ELMO1: variants seen among roughly 807,000 people sequenced by gnomAD.
ELMO1 encodes the protein engulfment and cell motility 1.
Under a neutral mutation model 98.9 loss-of-function variants are expected in ELMO1, and 26 were observed. The observed-to-expected ratio is 0.26, with a 90% CI of 0.19 to 0.36. The LOEUF (loss-of-function observed/expected upper bound fraction) is 0.36. ELMO1 is among the 10% of genes least tolerant of loss of function. The probability of loss-of-function intolerance (pLI) is 1.00; values close to 1 mark genes in which losing one functional copy is unlikely to be tolerated. For synonymous variants in ELMO1, 346 were observed against 346.0 expected (o/e 1.00, Z 0.00); for missense variants, 627 against 935.2 (o/e 0.67, Z 4.30).
chr7:37,031,718 G>A (rs1399008586), intron 15 of ELMO1, among the ~76,000 whole-genome samples: 1 of 151,990 alleles, frequency 6.6e-6, no homozygotes, highest in Admixed American at 6.6e-5. Context: ...CAGTACTTAG[G>A]GCCTCAAAAA....
At chr7:37,292,959 A>AG (rs1583475484) in intron 4 of ELMO1, among the ~76,000 whole-genome samples, 17 of 31,480 alleles carry the variant, frequency 5.4e-4, no homozygotes, top group Admixed American at 9.0e-4. Flanking sequence ...CCGTCCGGGA[A>AG]GTGAGGGGCG....
intron 15 of ELMO1, among the ~76,000 whole-genome samples, chr7:37,082,504 G>C (rs1797920637): frequency 1.3e-5 from 2 of 152,106 alleles, no homozygotes; most frequent in Non-Finnish European, 2.9e-5. Context: ...AGGAGTTCCA[G>C]ACCAGCCTGG....
intron 1 of ELMO1, among the ~76,000 whole-genome samples, chr7:37,359,704 T>C (rs1162926300): frequency 6.6e-6 from 1 of 152,172 alleles, no homozygotes; most frequent in East Asian, 1.9e-4. Flanking sequence ...GACCTTAATA[T>C]GCACAAGGCT....
At chr7:37,038,968 T>C (rs567062958) in intron 15 of ELMO1, among the ~76,000 whole-genome samples, 1 of 152,242 alleles carries the variant, frequency 6.6e-6, no homozygotes, top group South Asian at 2.1e-4. Context: ...AATGGCCCAA[T>C]CTCCAAATAC....
At chr7:37,375,640 G>T (rs1024658219) in intron 1 of ELMO1, 4 of 1,188,558 alleles carry the variant, frequency 3.4e-6, no homozygotes, top group Non-Finnish European at 5.0e-6. Flanking sequence ...AGACAAGAAT[G>T]TGCCCAACCT....
chr7:37,423,249 T>C, intron 1 of ELMO1, among the ~76,000 whole-genome samples: 1 of 152,230 alleles, frequency 6.6e-6, no homozygotes, highest in South Asian at 2.1e-4. Context: ...TCTGTGTCTC[T>C]TTACCTAATG....
intron 19 of ELMO1, 106 bp downstream of exon 19, chr7:36,877,904 T>G: frequency 1.2e-6 from 1 of 815,118 alleles, no homozygotes. Flanking sequence ...AGATGAGATG[T>G]GTTCAAAGGG....
chr7:37,057,911 C>T (rs1363598206), intron 15 of ELMO1, among the ~76,000 whole-genome samples: 1 of 152,238 alleles, frequency 6.6e-6, no homozygotes, highest in African/African-American at 2.4e-5. Flanking sequence ...TGTCAGCTAA[C>T]ACCATTTGAA....
chr7:37,348,517 T>C (rs915705507), intron 1 of ELMO1, among the ~76,000 whole-genome samples: 1 of 152,134 alleles, frequency 6.6e-6, no homozygotes, highest in East Asian at 1.9e-4. Context: ...TCGATATGCA[T>C]GTTAAGTGGT....
chr7:37,140,191 T>C (rs1045477737), intron 13 of ELMO1, among the ~76,000 whole-genome samples: 2 of 148,032 alleles, frequency 1.4e-5, no homozygotes, highest in African/African-American at 2.5e-5. Context: ...CTGGCTAACA[T>C]GATGAAACCC....
At chr7:36,871,184 C>T (rs988031253) in intron 19 of ELMO1, among the ~76,000 whole-genome samples, 7 of 152,060 alleles carry the variant, frequency 4.6e-5, no homozygotes, top group South Asian at 2.1e-4. Flanking sequence ...CTGGAGTTGG[C>T]GGAAGATAAG....
intron 2 of ELMO1, among the ~76,000 whole-genome samples, chr7:37,332,869 A>C (rs1246294219): frequency 1.3e-5 from 2 of 152,166 alleles, no homozygotes; most frequent in Non-Finnish European, 2.9e-5. Context: ...AGGGGAAGGA[A>C]GAAGCGTGGC....
intron 16 of ELMO1, among the ~76,000 whole-genome samples, chr7:36,913,264 T>A (rs867948432): frequency 9.9e-5 from 15 of 152,182 alleles, no homozygotes; most frequent in Non-Finnish European, 5.9e-5. Context: ...CTTTAATACA[T>A]CTCTGTATCT....
chr7:36,900,607 A>G (rs1806425076), intron 16 of ELMO1, among the ~76,000 whole-genome samples: 1 of 152,248 alleles, frequency 6.6e-6, no homozygotes, highest in South Asian at 2.1e-4. Context: ...TTGGAAGGGG[A>G]TAGATCTACA....
chr7:37,172,322 A>T (rs1333412559), intron 13 of ELMO1, among the ~76,000 whole-genome samples: 2 of 145,702 alleles, frequency 1.4e-5, no homozygotes, highest in Non-Finnish European at 3.1e-5. Flanking sequence ...AAAAAAAAAA[A>T]GTCATCTCAA....
intron 1 of ELMO1, among the ~76,000 whole-genome samples, chr7:37,377,179 C>T (rs1285781181): frequency 6.6e-6 from 1 of 152,152 alleles, no homozygotes; most frequent in Non-Finnish European, 1.5e-5. Flanking sequence ...AGAAAAATAT[C>T]AAAATTCAAA....
At chr7:37,337,912 T>C (rs1480063779) in intron 2 of ELMO1, among the ~76,000 whole-genome samples, 1 of 152,170 alleles carries the variant, frequency 6.6e-6, no homozygotes, top group Non-Finnish European at 1.5e-5. Context: ...GAATATTCCA[T>C]AGCACAAATT....
chr7:36,865,841 C>T (rs1219727594), intron 20 of ELMO1, among the ~76,000 whole-genome samples: 1 of 152,158 alleles, frequency 6.6e-6, no homozygotes, highest in Non-Finnish European at 1.5e-5. Context: ...GCACCTAGGA[C>T]AAAGGAGATG....
At chr7:37,240,263 T>C (rs948081099) in intron 7 of ELMO1, among the ~76,000 whole-genome samples, 1 of 152,042 alleles carries the variant, frequency 6.6e-6, no homozygotes, top group East Asian at 1.9e-4. Context: ...GGTCTTGAAC[T>C]GCTGGGCTCA....
Sources: gnomAD v4.1 joint callset for allele counts (sites outside exome capture counted in the v4.1 genomes callset) on GRCh38, gnomAD v4.1.1 for gene constraint, MANE v1.5 for transcripts, NCBI Gene and HGNC (gene_info 2026-07-23, HGNC 2026-07-21) for gene names.